The following NREP variants were observed in gnomAD, a reference collection of about 807,000 sequenced individuals.
NREP encodes the protein neuronal regeneration-related protein.
In NREP, 5 loss-of-function variants were observed where a neutral mutation model predicts 8.6. The observed-to-expected ratio is 0.58, with a 90% CI of 0.30 to 1.22. The LOEUF (loss-of-function observed/expected upper bound fraction) is 1.22. Among genes scored for constraint, NREP ranks in the 50% most tolerant of loss-of-function variants. NREP has a pLI of 0.07. For synonymous variants in NREP, 27 were observed against 28.0 expected (o/e 0.96, Z 0.11); for missense variants, 86 against 82.5 (o/e 1.04, Z -0.17).
At chr5:111,973,483 G>A (rs1756877280) in intron 2 of NREP, among the ~76,000 whole-genome samples, 1 of 152,152 alleles carries the variant, frequency 6.6e-6, no homozygotes, top group Admixed American at 6.5e-5. Context: ...ATTTTCACCA[G>A]AACAGAGTTT....
intron 2 of NREP, among the ~76,000 whole-genome samples, chr5:111,748,096 AC>A (rs1227337216): frequency 6.6e-6 from 1 of 152,090 alleles, no homozygotes; most frequent in African/African-American, 2.4e-5. Context: ...GTGTGCCACT[AC>A]CCTAAAGTGA....
chr5:111,761,870 T>C (rs1375881370), upstream of NREP, among the ~76,000 whole-genome samples: 1 of 152,190 alleles, frequency 6.6e-6, no homozygotes, highest in Non-Finnish European at 1.5e-5. Context: ...TTGTATTTCA[T>C]GCTTAAGAAA....
intron 2 of NREP, among the ~76,000 whole-genome samples, chr5:111,961,135 G>A (rs1392632656): frequency 6.6e-6 from 1 of 151,912 alleles, no homozygotes; most frequent in Non-Finnish European, 1.5e-5. Context: ...GAGGTGACAA[G>A]ACTTTTCAAG....
intron 2 of NREP, among the ~76,000 whole-genome samples, chr5:111,844,446 A>C (rs945686994): frequency 6.6e-6 from 1 of 151,614 alleles, no homozygotes; most frequent in South Asian, 2.1e-4. Context: ...TTTATGCACA[A>C]TTTAAAGCAT....
chr5:111,790,347 CTTTTTTTTTTTTTTTTTTTTTTT>C (rs57775701), intron 2 of NREP, among the ~76,000 whole-genome samples: 1 of 59,594 alleles, frequency 1.7e-5, no homozygotes. Context: ...AAAACCTTAA[CTTTTTTTTTTTTTTTTTTTTTTT>C]TTTTTTTTTT....
chr5:111,747,669 C>T lies in NREP; in HGVS notation c.3+8101G>A, dbSNP rs578247575. On this transcript the variant is annotated intron_variant, in intron 2 of 3. Coordinates refer to ENST00000257435, the MANE Select transcript of NREP (RefSeq NM_004772.4). ...CTCCCCCTTCCTTTTCAATCAATGG[C>T]TCTGGTTCCCAAATTTCAGTGAAAA... Among the ~76,000 whole-genome samples the T allele has an allele frequency of 3.3e-5, 5 of 152,244 alleles. No homozygotes were observed. In the South Asian group the frequency reaches 1.0e-3, roughly 32 times the overall value.
At chr5:111,800,170 C>A (rs1041059720) in intron 2 of NREP, among the ~76,000 whole-genome samples, 2 of 151,140 alleles carry the variant, frequency 1.3e-5, no homozygotes, top group South Asian at 4.2e-4. Flanking sequence ...CCTTGTGATT[C>A]GCCCGCCTCG....
rs116767089 is a variant in NREP, at chr5:111,922,970, G to T, written c.135+52304C>A. ...CTTATTTCCCTCAGCTATTTCATCCGATCCTTTCTGATGTCCTTTACAATG... is the reference window on the plus strand; with the variant it reads ...CTTATTTCCCTCAGCTATTTCATCCTATCCTTTCTGATGTCCTTTACAATG... On this transcript the variant is annotated intron_variant, in intron 2 of 3. Transcript: ENST00000395634. Among the ~76,000 whole-genome samples the T allele has an allele frequency of 4.7e-3, 722 of 152,202 alleles. 4 individuals carry two copies. The highest frequency in any genetic ancestry group is 0.016 in the African/African-American group (677 of 41,542).
At chr5:111,774,361 C>T (rs1751310073) in intron 2 of NREP, among the ~76,000 whole-genome samples, 2 of 152,100 alleles carry the variant, frequency 1.3e-5, no homozygotes, top group African/African-American at 4.8e-5. Context: ...CATTCTATCT[C>T]TATAACCTCC....
rs546449419 is a variant in NREP at position 111,886,189 on chromosome 5, G to A, written c.135+89085C>T. On this transcript the variant is annotated intron_variant, in intron 2 of 3. Coordinates refer to the NREP transcript ENST00000395634. ...CATGAACAGACACTTCTCAAAAGAAGACATTTATGCAGCCAAAAACCACAT... is the reference window on the plus strand; with the variant it reads ...CATGAACAGACACTTCTCAAAAGAAAACATTTATGCAGCCAAAAACCACAT... Among the ~76,000 whole-genome samples, 45 of 152,268 alleles carry A rather than the reference G, an allele frequency of 3.0e-4. 1 individual carries two copies. In the East Asian group the frequency reaches 8.3e-3, roughly 28 times the overall value.
intron 2 of NREP, among the ~76,000 whole-genome samples, chr5:111,803,600 C>T (rs934981278): frequency 6.6e-6 from 1 of 152,058 alleles, no homozygotes; most frequent in African/African-American, 2.4e-5. Context: ...TATGTTAATG[C>T]AAGTAGGAAA....
chr5:111,882,020 TCAAAC>T (rs1029478716), intron 2 of NREP, among the ~76,000 whole-genome samples: 7 of 152,170 alleles, frequency 4.6e-5, no homozygotes, highest in African/African-American at 1.7e-4. Context: ...CTTCAGATGA[TCAAAC>T]TACTCCGAGC....
intron 2 of NREP, among the ~76,000 whole-genome samples, chr5:111,920,525 A>G (rs1755208234): frequency 6.6e-6 from 1 of 152,122 alleles, no homozygotes; most frequent in Non-Finnish European, 1.5e-5. Context: ...AGACACTCCA[A>G]AGATGAGGTT....
At chr5:111,927,611 T>TA (rs1357418208) in intron 2 of NREP, among the ~76,000 whole-genome samples, 5 of 152,194 alleles carry the variant, frequency 3.3e-5, no homozygotes, top group Non-Finnish European at 5.9e-5. Flanking sequence ...GTATCCTATG[T>TA]AAAAATATAG....
chr5:111,909,140 T>C (rs1274880283), intron 2 of NREP, among the ~76,000 whole-genome samples: 2 of 152,174 alleles, frequency 1.3e-5, no homozygotes, highest in African/African-American at 2.4e-5. Context: ...CTCTGATGCA[T>C]AGTTCGCGAA....
chr5:111,788,954 C>T (rs1751676684), intron 2 of NREP, among the ~76,000 whole-genome samples: 1 of 152,208 alleles, frequency 6.6e-6, no homozygotes, highest in Admixed American at 6.5e-5. Context: ...AGTCTTTGAA[C>T]TGGAGCATCA....
chr5:111,858,621 G>A (rs1753476696), intron 2 of NREP, among the ~76,000 whole-genome samples: 1 of 152,144 alleles, frequency 6.6e-6, no homozygotes, highest in African/African-American at 2.4e-5. Flanking sequence ...CTGCACTCCT[G>A]CCTAGGCAAG....
chr5:111,878,327 A>C (rs544927435), intron 2 of NREP, among the ~76,000 whole-genome samples: 1 of 152,344 alleles, frequency 6.6e-6, no homozygotes, highest in African/African-American at 2.4e-5. Context: ...GCCTCAGGAA[A>C]CTTGTAATCA....
intron 2 of NREP, among the ~76,000 whole-genome samples, chr5:111,892,402 C>T (rs896805888): frequency 1.3e-5 from 2 of 152,138 alleles, no homozygotes; most frequent in Non-Finnish European, 2.9e-5. Context: ...AAAGCCCTAT[C>T]TCAGAATGTA....
Sources: allele counts gnomAD v4.1 joint callset (sites outside exome capture counted in the v4.1 genomes callset), GRCh38; gene constraint gnomAD v4.1.1; transcripts MANE v1.5; gene names NCBI Gene and HGNC (gene_info 2026-07-23, HGNC 2026-07-21).